The following TTL variants were observed in gnomAD, a reference collection of about 807,000 sequenced individuals.
TTL encodes the protein tubulin--tyrosine ligase.
A neutral mutation model predicts 41.1 loss-of-function variants in TTL; 10 were observed. The ratio of observed to expected loss-of-function variants is 0.24; its 90% CI spans 0.15 to 0.41. TTL has a LOEUF of 0.41. TTL is among the 10% of genes least tolerant of loss of function. The pLI, the probability that TTL is intolerant of heterozygous loss-of-function variation, is 1.00. For synonymous variants in TTL, 175 were observed against 175.5 expected, an observed-to-expected ratio of 1.00 and a Z score of 0.02; for missense variants, 367 against 460.4, an observed-to-expected ratio of 0.80 and a Z score of 1.86.
At position 112,526,544 on chromosome 2, in the gene TTL, A is replaced by G. The variant is rs566240806; in HGVS notation, c.1020-2137A>G. On this transcript the variant is annotated intron_variant, in intron 6 of 6. Coordinates refer to ENST00000233336, the MANE Select transcript of TTL (RefSeq NM_153712.5). ...GGTGTATGTGTCCAGGAATTTATCC[A>G]TTTCTTCTAGATTTTCTAGTTTATT... Among the ~76,000 whole-genome samples the G allele has an allele frequency of 2.8e-3, 428 of 152,126 alleles. 3 individuals are homozygous for G. The highest frequency in any genetic ancestry group is 0.01 in the African/African-American group (419 of 41,494).
At chr2:112,496,799 C>T (rs1186094465) in intron 3 of TTL, among the ~76,000 whole-genome samples, 1 of 149,266 alleles carries the variant, frequency 6.7e-6, no homozygotes, top group African/African-American at 2.5e-5. Context: ...CCTCGACTTC[C>T]TGGGCTCAAG....
chr2:112,492,301 TTA>T (rs1425410927), intron 2 of TTL, among the ~76,000 whole-genome samples: 20 of 152,336 alleles, frequency 1.3e-4, no homozygotes, highest in African/African-American at 4.8e-4. Context: ...AAATTAAATT[TTA>T]GGCCTGACCC....
chr2:112,498,401 A>G (rs1397475653), intron 3 of TTL, among the ~76,000 whole-genome samples: 1 of 152,170 alleles, frequency 6.6e-6, no homozygotes, highest in East Asian at 1.9e-4. Flanking sequence ...ATTTAACAAG[A>G]CATGTATAGG....
At chr2:112,486,378 T>C (rs1681239754) in intron 2 of TTL, among the ~76,000 whole-genome samples, 3 of 152,060 alleles carry the variant, frequency 2.0e-5, no homozygotes, top group African/African-American at 7.2e-5. Flanking sequence ...CACCTCAGAG[T>C]TGTCACATTT....
rs996335227 is a variant in TTL at position 112,541,190 on chromosome 2, G to T, written c.*12395G>T. 6.6e-6 allele frequency: 1 copy of T among 151,670 alleles called. No homozygotes were observed. The highest frequency in any genetic ancestry group is 1.5e-5 in the Non-Finnish European group (1 of 67,978). 9.4% of individuals were successfully genotyped at this position (151,670 alleles called of 1,614,324 possible). On this transcript the variant is annotated 3_prime_UTR_variant, in exon 7 of 7. Transcript: ENST00000233336. The stretch of plus-strand genomic sequence containing the variant: ...GATTACACAATGATGTCTTAGATAT[G>T]ATATAAAAAGACAGGCAACAAAAGA...
At chr2:112,493,022 C>T (rs966736718) in intron 2 of TTL, among the ~76,000 whole-genome samples, 3 of 152,204 alleles carry the variant, frequency 2.0e-5, no homozygotes, top group African/African-American at 4.8e-5. Context: ...AATGCAGATA[C>T]GGAGTTGAAC....
At chr2:112,498,136 T>C (rs1244598987) in intron 3 of TTL, among the ~76,000 whole-genome samples, 4 of 151,730 alleles carry the variant, frequency 2.6e-5, no homozygotes, top group Admixed American at 6.6e-5. Context: ...CCAGTCTGGC[T>C]GACTTGCTGA....
rs112447441 is a variant in TTL at position 112,496,174 on chromosome 2, T to C, written c.469+1799T>C. Among the ~76,000 whole-genome samples the C allele has an allele frequency of 5.0e-3, 764 of 152,302 alleles. 2 individuals carry two copies. The highest frequency in any genetic ancestry group is 7.2e-3 in the Non-Finnish European group (490 of 68,028). Reference sequence around the variant, plus strand: ...TTGGGATTGGAGTCAGAATGGCCACTGTGAGGACACCTGGTGATCCCTGGA... The same window carrying C: ...TTGGGATTGGAGTCAGAATGGCCACCGTGAGGACACCTGGTGATCCCTGGA... On this transcript the variant is annotated intron_variant, in intron 3 of 6. Transcript: ENST00000233336.
chr2:112,501,226 T>G lies in TTL; in HGVS notation c.490T>G (p.Ser164Ala). 6.2e-7 allele frequency: 1 copy of G among 1,613,736 alleles called. No homozygotes were observed. Among genetic ancestry groups the G allele is most frequent in the Non-Finnish European group, 8.5e-7 (1 of 1,179,772 alleles). The change falls in exon 4 of 7, where the codon TCA becomes GCA. Residue 164 changes from serine (S) to alanine (A), a missense_variant. Transcript: ENST00000233336. ...GAKGEGILIS[S>A]EASELLDFID... ...GTTAGGTGAAGGCATTCTCATCTCC[T>G]CAGAGGCTTCAGAGCTTCTCGATTT...
At chr2:112,520,479 G>C (rs1049637814) in intron 6 of TTL, 54 bp downstream of exon 6, 1 of 1,601,544 alleles carries the variant, frequency 6.2e-7, no homozygotes, top group African/African-American at 1.3e-5. Context: ...TCTGCAGTTG[G>C]GATAGTCTGT....
chr2:112,509,270 T>G (rs539082007), intron 5 of TTL, among the ~76,000 whole-genome samples: 108 of 148,358 alleles, frequency 7.3e-4, no homozygotes, highest in African/African-American at 2.3e-3. Context: ...GTCTTTTTGT[T>G]TGTCTGTGCC....
In TTL at chr2:112,503,160, T is replaced by G. The variant is rs1380257659; in HGVS notation, c.854T>G (p.Leu285Arg). ...ATTACCCTAGAAAGTAGTATCTTACTACAAATCAAACATATAATAAGGTAA... is the reference window on the plus strand; with the variant it reads ...ATTACCCTAGAAAGTAGTATCTTACGACAAATCAAACATATAATAAGGTAA... ...LNITLESSIL[L>R]QIKHIIRNCL... is the part of the protein sequence containing the mutation. The change falls in exon 5 of 7, where the codon CTA (leucine) becomes CGA (arginine). Residue 285 changes from leucine to arginine, a missense_variant. By Grantham distance (102) the Leu-to-Arg change is moderately radical. Transcript: ENST00000233336. 1.9e-6 allele frequency: 3 copies of G among 1,600,170 alleles called. No individual in the cohort carries two copies. Among genetic ancestry groups the G allele is most frequent in the Non-Finnish European group, 2.6e-6 (3 of 1,172,314 alleles).
intron 3 of TTL, among the ~76,000 whole-genome samples, chr2:112,497,115 C>G (rs956389403): frequency 1.3e-5 from 2 of 151,740 alleles, no homozygotes; most frequent in Non-Finnish European, 2.9e-5. Context: ...CCACCGTGCC[C>G]GGGCCCGCTC....
In TTL at chr2:112,498,099, G is replaced by A. The variant is rs1009333119; in HGVS notation, c.470-3107G>A. Among the ~76,000 whole-genome samples, 11 of 152,276 alleles carry A rather than the reference G, an allele frequency of 7.2e-5. No individual in the cohort carries two copies. In the South Asian group the frequency reaches 1.5e-3, roughly 20 times the overall value. Reference sequence around the variant, plus strand: ...AGCACTTTGAGAATCCAAGGCGGGCGGATCACCTGAGGTCAGGAGTTCGAG... The same window carrying A: ...AGCACTTTGAGAATCCAAGGCGGGCAGATCACCTGAGGTCAGGAGTTCGAG... On this transcript the variant is annotated intron_variant, in intron 3 of 6. Transcript: ENST00000233336.
rs908623817 is a variant in TTL at position 112,520,404 on chromosome 2, A to G, written c.998A>G (p.Asn333Ser). ...CTGAAGGTGTGGCTCATTGAGGTCA[A>G]CGGTGCCCCTGCATGTGCTCAGTAA... ...EELKVWLIEV[N>S]GAPACAQKLY... is the part of the protein sequence containing the mutation. Residue 333 changes from asparagine to serine, a missense_variant, in exon 6 of 7, where the codon AAC (asparagine) becomes AGC (serine). Asn to Ser is a conservative substitution (Grantham distance 46, BLOSUM62 1). Transcript: ENST00000233336. 3 of 1,613,892 alleles carry G rather than the reference A, an allele frequency of 1.9e-6. No homozygotes were observed. The highest frequency in any genetic ancestry group is 1.3e-5 in the African/African-American group (1 of 74,916).
chr2:112,520,947 C>T (rs1337072814), intron 6 of TTL, among the ~76,000 whole-genome samples: 1 of 152,052 alleles, frequency 6.6e-6, no homozygotes, highest in African/African-American at 2.4e-5. Flanking sequence ...CTAGCCTGTG[C>T]TCAGGTGGGT....
rs1292780333 is a variant in TTL, at chr2:112,533,190, A to C, written c.*4395A>C. The stretch of plus-strand genomic sequence containing the variant: ...GCACAGAGGAGGTTTCCATGCCAGA[A>C]GCCCTGTGTAGGCACTCCACTCCAA... On this transcript the variant is annotated 3_prime_UTR_variant, in exon 7 of 7. Transcript: ENST00000233336. The C allele has an allele frequency of 6.6e-6, 1 of 152,248 alleles. No individual in the cohort carries two copies. Among genetic ancestry groups the C allele is most frequent in the East Asian group, 1.9e-4 (1 of 5,194 alleles). The allele number at this position is 152,248 out of a possible 1,614,324, so 9.4% of individuals were successfully genotyped here.
At chr2:112,492,119 T>G (rs531649049) in intron 2 of TTL, among the ~76,000 whole-genome samples, 2 of 152,220 alleles carry the variant, frequency 1.3e-5, no homozygotes, top group Non-Finnish European at 2.9e-5. Context: ...TGAATCAATC[T>G]ATTGTCCCTG....
intron 5 of TTL, among the ~76,000 whole-genome samples, chr2:112,517,896 GC>G (rs1682112829): frequency 2.0e-5 from 3 of 151,386 alleles, no homozygotes; most frequent in African/African-American, 4.8e-5. Context: ...ACTGCAGTGA[GC>G]CATGATTGGG....
Sources: allele counts gnomAD v4.1 joint callset (sites outside exome capture counted in the v4.1 genomes callset), GRCh38; gene constraint gnomAD v4.1.1; transcripts MANE v1.5; gene names NCBI Gene and HGNC (gene_info 2026-07-23, HGNC 2026-07-21).